The following LRRC49 variants were observed in gnomAD, a reference collection of about 807,000 sequenced individuals.
The protein encoded by LRRC49 is leucine rich repeat containing 49.
Under a neutral mutation model 83.3 loss-of-function variants are expected in LRRC49, and 50 were observed. The observed-to-expected ratio is 0.60, with a 90% CI of 0.48 to 0.76. The LOEUF (loss-of-function observed/expected upper bound fraction) is 0.76. Among genes scored for constraint, LRRC49 ranks in the 30% least tolerant of loss-of-function variants. The pLI is 0.00. For missense variants in LRRC49, 704 were observed against 809.1 expected (o/e 0.87, Z 1.58); for synonymous variants, 286 against 283.3 (o/e 1.01, Z -0.10).
In LRRC49 at chr15:70,911,584, C is replaced by A; in HGVS notation, c.553C>A (p.Leu185Ile). ...ENLKSLDVLD[L>I]HGNQITKIEN... is the part of the protein sequence containing the mutation. ...TCTAAAAAGCTTAGATGTCTTGGAT[C>A]TTCATGGAAATCAGGTATTGTAAAG... Residue 185 changes from leucine to isoleucine, a missense_variant, in exon 6 of 16, where the codon CTT becomes ATT. By Grantham distance (5) the Leu-to-Ile change is conservative. Around this residue, in one of 3 missense-constraint regions of LRRC49, gnomAD observed 261 missense variants for 330.5 expected, o/e 0.79. Transcript: ENST00000260382. 6.4e-7 allele frequency: 1 copy of A among 1,570,930 alleles called. No homozygotes were observed.
chr15:70,982,340 T>TA (rs1171357270), intron 10 of LRRC49, among the ~76,000 whole-genome samples: 1 of 151,794 alleles, frequency 6.6e-6, no homozygotes, highest in Non-Finnish European at 1.5e-5. Context: ...TGATACTGAG[T>TA]AAAAAAAACA....
chr15:70,911,736 C>CTT (rs1457140495), intron 6 of LRRC49, 138 bp downstream of exon 6: 1 of 566,120 alleles, frequency 1.8e-6, no homozygotes, highest in African/African-American at 1.9e-5. Flanking sequence ...AGGTATCAAG[C>CTT]TTATTTATAG....
intron 8 of LRRC49, among the ~76,000 whole-genome samples, chr15:70,937,402 A>G (rs746766126): frequency 6.6e-6 from 1 of 152,140 alleles, no homozygotes; most frequent in African/African-American, 2.4e-5. Flanking sequence ...TGGAGCTGAG[A>G]CGTACAGTAA....
chr15:70,970,251 A>G (rs1294527310), intron 9 of LRRC49, among the ~76,000 whole-genome samples: 1 of 151,966 alleles, frequency 6.6e-6, no homozygotes. Flanking sequence ...GGTTTTTGTC[A>G]TTGGTTCTGT....
chr15:71,006,178 A>G (rs1450505399), intron 11 of LRRC49, among the ~76,000 whole-genome samples: 1 of 152,194 alleles, frequency 6.6e-6, no homozygotes, highest in African/African-American at 2.4e-5. Flanking sequence ...GTTTTACTGA[A>G]TGTAGCCTTG....
At chr15:71,037,018 A>C (rs2039540821) in intron 14 of LRRC49, among the ~76,000 whole-genome samples, 161 bp from the exon 15 acceptor site, 1 of 152,168 alleles carries the variant, frequency 6.6e-6, no homozygotes. Context: ...ATTAGTAGAA[A>C]GTTTGGGGTA....
At chr15:71,045,652 A>T (rs2039833074) in intron 15 of LRRC49, among the ~76,000 whole-genome samples, 1 of 152,176 alleles carries the variant, frequency 6.6e-6, no homozygotes, top group Non-Finnish European at 1.5e-5. Context: ...TTTTTTTCAC[A>T]TAACATTATG....
Position 71,008,322 on chromosome 15 carries a change from A to C in LRRC49, c.1170-57A>C, listed in dbSNP as rs961830169. 24 of 958,414 alleles carry C rather than the reference A, an allele frequency of 2.5e-5. No individual in the cohort carries two copies. The African/African-American group carries it at 3.7e-4, about 15-fold the overall frequency. 59.4% of individuals were successfully genotyped at this position (958,414 alleles called of 1,614,324 possible). A position where few individuals can be genotyped will look rare whatever the true frequency, so the allele number is the denominator to read the frequency against. On this transcript the variant is annotated intron_variant, in intron 11 of 15. Transcript: ENST00000260382. Reference sequence around the variant, plus strand: ...AAGAGCTTTTCTGACAGGTCATTATACTGTTAGGTATTCTGCATGATATCT... The same window carrying C: ...AAGAGCTTTTCTGACAGGTCATTATCCTGTTAGGTATTCTGCATGATATCT...
At chr15:70,960,014 T>G (rs576701599) in intron 8 of LRRC49, among the ~76,000 whole-genome samples, 10 of 152,356 alleles carry the variant, frequency 6.6e-5, no homozygotes, top group African/African-American at 2.4e-4. Flanking sequence ...TTGGATGAGT[T>G]CCAATTTAGT....
intron 11 of LRRC49, among the ~76,000 whole-genome samples, chr15:70,993,494 G>A (rs752893714): frequency 2.6e-5 from 4 of 152,172 alleles, no homozygotes; most frequent in Non-Finnish European, 5.9e-5. Context: ...GTAGACTGGA[G>A]CTGTTCCTAT....
At chr15:70,998,095 C>T (rs1043858305) in intron 11 of LRRC49, among the ~76,000 whole-genome samples, 15 of 152,224 alleles carry the variant, frequency 9.9e-5, no homozygotes, top group African/African-American at 3.6e-4. Context: ...TTCTGTTTAA[C>T]TCTACTCCCT....
intron 8 of LRRC49, among the ~76,000 whole-genome samples, chr15:70,940,377 C>T (rs2035767387): frequency 6.6e-6 from 1 of 151,718 alleles, no homozygotes; most frequent in Non-Finnish European, 1.5e-5. Flanking sequence ...CTGCCTCAGC[C>T]TCCTGAGTAG....
chr15:70,909,192 A>ATACATACATTATAT (rs2034443617), intron 5 of LRRC49, among the ~76,000 whole-genome samples: 1 of 152,190 alleles, frequency 6.6e-6, no homozygotes, highest in Non-Finnish European at 1.5e-5. Context: ...ATAATTTTCA[A>ATACATACATTATAT]GGTGTTAAAA....
intron 12 of LRRC49, 189 bp from the exon 13 acceptor site, chr15:71,009,618 A>G (rs1490058642): frequency 4.4e-6 from 2 of 455,878 alleles, no homozygotes; most frequent in Non-Finnish European, 7.8e-6. Flanking sequence ...GATTCCATCA[A>G]TGGTGCATTG....
intron 5 of LRRC49, among the ~76,000 whole-genome samples, chr15:70,905,660 A>T (rs2034275087): frequency 6.6e-6 from 1 of 152,230 alleles, no homozygotes; most frequent in Admixed American, 6.5e-5. Context: ...TTTTAGGCTG[A>T]GGCTTGATAA....
intron 11 of LRRC49, among the ~76,000 whole-genome samples, chr15:70,994,066 C>T (rs768173643): frequency 6.6e-6 from 1 of 152,042 alleles, no homozygotes; most frequent in African/African-American, 2.4e-5. Context: ...AGGCTGGTCT[C>T]GAACTCCTGA....
At chr15:70,857,073 C>T (rs561938550) in intron 1 of LRRC49, among the ~76,000 whole-genome samples, 45 of 152,202 alleles carry the variant, frequency 3.0e-4, no homozygotes, top group African/African-American at 1.1e-3. Flanking sequence ...TTTCCCTTCC[C>T]TGGAATCTTG....
intron 9 of LRRC49, among the ~76,000 whole-genome samples, chr15:70,972,212 G>A (rs1030377230): frequency 2.5e-4 from 38 of 152,144 alleles, no homozygotes; most frequent in African/African-American, 8.9e-4. Flanking sequence ...TTGCTTGTCT[G>A]TAAAGTATTT....
At chr15:71,015,739 A>T (rs1302928958) in intron 14 of LRRC49, among the ~76,000 whole-genome samples, 28 of 152,220 alleles carry the variant, frequency 1.8e-4, no homozygotes, top group Admixed American at 1.8e-3. Flanking sequence ...ACTTAGCAAT[A>T]TCTAATAAAT....
Sources: gnomAD v4.1 joint callset for allele counts (sites outside exome capture counted in the v4.1 genomes callset) on GRCh38, gnomAD v4.1.1 for gene constraint, gnomAD v4.1.1 regional missense constraint, MANE v1.5 for transcripts, NCBI Gene and HGNC (gene_info 2026-07-23, HGNC 2026-07-21) for gene names.